DYM: variants seen among roughly 807,000 people sequenced by gnomAD.
DYM encodes dyggve-Melchior-Clausen syndrome protein.
A neutral mutation model predicts 93.1 loss-of-function variants in DYM; 78 were observed. The observed-to-expected ratio is 0.84, with a 90% CI of 0.70 to 1.01. The LOEUF (loss-of-function observed/expected upper bound fraction) is 1.01, where lower values mean the gene tolerates loss of function less well. DYM is among the 50% of genes least tolerant of loss of function. The pLI is 0.00. For missense variants in DYM, 789 were observed against 845.0 expected (o/e 0.93, Z 0.82); for synonymous variants, 321 against 319.7 (o/e 1.00, Z -0.04).
chr18:49,065,928 T>TA (rs1214051222), intron 17 of DYM, among the ~76,000 whole-genome samples: 1 of 152,158 alleles, frequency 6.6e-6, no homozygotes, highest in Non-Finnish European at 1.5e-5. Flanking sequence ...AGGTGATTTT[T>TA]ACCTTCATTG....
chr18:49,404,694 T>G (rs936343326), intron 2 of DYM, among the ~76,000 whole-genome samples: 2 of 152,172 alleles, frequency 1.3e-5, no homozygotes, highest in African/African-American at 4.8e-5. Flanking sequence ...TTTTTCATGT[T>G]TGTTGGCTTC....
At chr18:49,115,406 C>T (rs2081840150) in intron 16 of DYM, among the ~76,000 whole-genome samples, 1 of 152,186 alleles carries the variant, frequency 6.6e-6, no homozygotes, top group African/African-American at 2.4e-5. Flanking sequence ...GATTATTTCT[C>T]TCCCATTTAC....
In DYM at chr18:49,251,201, A is replaced by T. The variant is rs1222489578; in HGVS notation, c.1460+5809T>A. Reference sequence around the variant, plus strand: ...TTAATATTTTTAAGCAAAAGAAGCAATGAGATTTGCTTTTCCAGTGAATAC... The same window carrying T: ...TTAATATTTTTAAGCAAAAGAAGCATTGAGATTTGCTTTTCCAGTGAATAC... On this transcript the variant is annotated intron_variant, in intron 13 of 17. Transcript: ENST00000675505. 3.3e-5 allele frequency among the ~76,000 whole-genome samples: 5 copies of T among 152,332 alleles called. No homozygotes were observed. The East Asian group carries it at 7.7e-4, about 23-fold the overall frequency.
intron 2 of DYM, among the ~76,000 whole-genome samples, chr18:49,424,594 A>T (rs1405462750): frequency 6.6e-6 from 1 of 152,182 alleles, no homozygotes; most frequent in African/African-American, 2.4e-5. Context: ...TTAGGAAAAG[A>T]GGAAGTCAAA....
rs188894901 is a variant in DYM at position 49,435,196 on chromosome 18, T to C, written c.-53-4749A>G. ...GCACTTCAGTCTGGGGAACAGACCA[T>C]GACTCCATCTCAAAAAAAAAAAAAA... On this transcript the variant is annotated intron_variant, in intron 1 of 17. Transcript: ENST00000675505. Among the ~76,000 whole-genome samples the C allele has an allele frequency of 4.0e-4, 46 of 115,824 alleles. No homozygotes were observed. The East Asian group carries it at 0.011, about 28-fold the overall frequency. The allele number at this position is 115,824 out of a possible 152,430, so 76.0% of individuals were successfully genotyped here.
chr18:49,044,822 A>G (rs752192075), intron 17 of DYM, among the ~76,000 whole-genome samples: 57 of 152,234 alleles, frequency 3.7e-4, no homozygotes, highest in Non-Finnish European at 7.3e-5. Flanking sequence ...GCTGCTCCTC[A>G]TGGAGTCTGG....
At chr18:49,439,636 A>C (rs111235798) in intron 1 of DYM, among the ~76,000 whole-genome samples, 142 of 152,308 alleles carry the variant, frequency 9.3e-4, no homozygotes, top group African/African-American at 3.3e-3. Context: ...CTTCAGACTA[A>C]ATTCTGAGTA....
intron 3 of DYM, among the ~76,000 whole-genome samples, chr18:49,386,140 C>G (rs1043686851): frequency 7.9e-5 from 12 of 151,946 alleles, no homozygotes; most frequent in Admixed American, 6.6e-4. Context: ...GCAAAGAGAG[C>G]ACCTTACAAG....
chr18:49,413,956 G>A (rs573049298), intron 2 of DYM, among the ~76,000 whole-genome samples: 2 of 149,782 alleles, frequency 1.3e-5, no homozygotes, highest in Non-Finnish European at 2.9e-5. Context: ...GTTACATTGA[G>A]CCAAAATCAC....
chr18:49,226,798 C>T (rs1356858766), intron 13 of DYM, among the ~76,000 whole-genome samples: 1 of 152,078 alleles, frequency 6.6e-6, no homozygotes, highest in Admixed American at 6.6e-5. Context: ...AACTATGACT[C>T]CCACAGATGC....
intron 8 of DYM, among the ~76,000 whole-genome samples, chr18:49,314,790 G>A (rs542834050): frequency 6.6e-5 from 10 of 152,232 alleles, no homozygotes; most frequent in East Asian, 1.9e-4. Context: ...CATTCATATC[G>A]TATGATTGGC....
chr18:49,068,625 T>C (rs1337581497), intron 17 of DYM, among the ~76,000 whole-genome samples: 1 of 152,206 alleles, frequency 6.6e-6, no homozygotes, highest in African/African-American at 2.4e-5. Flanking sequence ...ATGAACTGGG[T>C]ACCCTGACAC....
intron 17 of DYM, among the ~76,000 whole-genome samples, chr18:49,086,149 A>G (rs180753570): frequency 9.8e-5 from 15 of 152,292 alleles, no homozygotes; most frequent in Admixed American, 9.8e-4. Context: ...TCTGCTGCTT[A>G]TAAGAGAATA....
At chr18:49,417,553 GC>G (rs76238877) in intron 2 of DYM, among the ~76,000 whole-genome samples, 13,931 of 151,794 alleles carry the variant, frequency 0.092, 859 homozygotes, top group East Asian at 0.31. Context: ...TGGTATATAT[GC>G]CCCCCCATTA....
At chr18:49,138,257 G>A (rs1199699830) in intron 15 of DYM, among the ~76,000 whole-genome samples, 2 of 152,152 alleles carry the variant, frequency 1.3e-5, no homozygotes, top group Admixed American at 1.3e-4. Context: ...TCAGCTTTAT[G>A]TCAATTAAAT....
intron 5 of DYM, among the ~76,000 whole-genome samples, chr18:49,366,563 A>AGGAGGATCTCTTGAGCCCAGGAGTT (rs2066534053): frequency 6.6e-6 from 1 of 152,196 alleles, no homozygotes; most frequent in Non-Finnish European, 1.5e-5. Flanking sequence ...AGGCTGAGGC[A>AGGAGGATCTCTTGAGCCCAGGAGTT]GGAGGATCTC....
chr18:49,227,529 G>A (rs998073206), intron 13 of DYM, among the ~76,000 whole-genome samples: 3 of 152,124 alleles, frequency 2.0e-5, no homozygotes, highest in Non-Finnish European at 4.4e-5. Flanking sequence ...TCATTTTTCA[G>A]TTGTGGTCAT....
At chr18:49,352,999 G>A (rs1047273311) in intron 6 of DYM, among the ~76,000 whole-genome samples, 1 of 151,922 alleles carries the variant, frequency 6.6e-6, no homozygotes, top group African/African-American at 2.4e-5. Flanking sequence ...CAGATTTTTG[G>A]GAGGGAGTAA....
In DYM at chr18:49,409,663, C is replaced by T. The variant is rs768859344; in HGVS notation, c.141-18018G>A. The stretch of plus-strand genomic sequence containing the variant: ...ATATTTGTTGGTAGGGAAAAAAAGC[C>T]TCTTTCATATGAAGCCTGTAGTTCA... On this transcript the variant is annotated intron_variant, in intron 2 of 17. Transcript: ENST00000675505. Among the ~76,000 whole-genome samples the T allele has an allele frequency of 2.0e-5, 3 of 152,290 alleles. No individual in the cohort carries two copies. The East Asian group carries it at 5.8e-4, about 29-fold the overall frequency.
Sources: allele counts gnomAD v4.1 joint callset (sites outside exome capture counted in the v4.1 genomes callset), GRCh38; gene constraint gnomAD v4.1.1; transcripts MANE v1.5; gene names NCBI Gene and HGNC (gene_info 2026-07-23, HGNC 2026-07-21).